Variants in CEACAM5 observed in about 807,000 individuals in gnomAD.
CEACAM5 encodes cell adhesion molecule CEACAM5.
Under a neutral mutation model 63.0 loss-of-function variants are expected in CEACAM5, and 52 were observed. The observed-to-expected ratio is 0.83, with a 90% CI of 0.66 to 1.04. CEACAM5 has a LOEUF of 1.04. Among genes scored for constraint, CEACAM5 ranks in the 50% least tolerant of loss-of-function variants. The pLI, the probability that CEACAM5 is intolerant of heterozygous loss-of-function variation, is 0.00. For synonymous variants in CEACAM5, 357 were observed against 351.3 expected, an observed-to-expected ratio of 1.02 and a Z score of -0.18; for missense variants, 790 against 864.8, an observed-to-expected ratio of 0.91 and a Z score of 1.08.
At chr19:41,718,723 C>T (rs2072568950) in intron 6 of CEACAM5, among the ~76,000 whole-genome samples, 1 of 152,218 alleles carries the variant, frequency 6.6e-6, no homozygotes, top group African/African-American at 2.4e-5. Flanking sequence ...CTTTCTGACA[C>T]CACTTTGTGT....
rs782349447 is a variant in CEACAM5 at position 41,715,356 on chromosome 19, C to T, written c.703+107C>T. On this transcript the variant is annotated intron_variant, in intron 3 of 9. Transcript: ENST00000221992. ...GGTTCAAGTACACAGACCCTCAACC[C>T]TGGACATCCAGACTGTCTGTGACTT... 2.0e-6 allele frequency: 3 copies of T among 1,492,678 alleles called. No homozygotes were observed. In the African/African-American group the frequency reaches 4.1e-5, roughly 21 times the overall value. The allele number at this position is 1,492,678 out of a possible 1,614,324, so 92.5% of individuals were successfully genotyped here.
At chr19:41,710,120 C>A in intron 2 of CEACAM5, 81 bp downstream of exon 2, 2 of 1,541,120 alleles carry the variant, frequency 1.3e-6, no homozygotes, top group Non-Finnish European at 1.8e-6. Flanking sequence ...CTGGGCTGTG[C>A]CTGTGGCCCC....
At chr19:41,710,828 T>C (rs782550306) in intron 2 of CEACAM5, among the ~76,000 whole-genome samples, 1 of 152,232 alleles carries the variant, frequency 6.6e-6, no homozygotes, top group Non-Finnish European at 1.5e-5. Context: ...ATGATGTTCA[T>C]TTGAGCAGCT....
chr19:41,727,765 G>A (rs1218736315), intron 9 of CEACAM5, among the ~76,000 whole-genome samples: 2 of 152,030 alleles, frequency 1.3e-5, no homozygotes, highest in East Asian at 3.8e-4. Context: ...TAGTTCACTC[G>A]CCTACTCAAG....
chr19:41,717,275 C>G (rs1265447617), intron 4 of CEACAM5, among the ~76,000 whole-genome samples, 180 bp from the exon 5 acceptor site: 1 of 152,268 alleles, frequency 6.6e-6, no homozygotes. Context: ...AACAGCCAGC[C>G]TCATGGTCTC....
chr19:41,710,109 C>A, intron 2 of CEACAM5, 70 bp downstream of exon 2: 2 of 1,560,564 alleles, frequency 1.3e-6, no homozygotes, highest in Non-Finnish European at 1.7e-6. Context: ...GATTATCAGG[C>A]CTGGGCTGTG....
chr19:41,727,003 C>A (rs1555817174), intron 8 of CEACAM5, among the ~76,000 whole-genome samples: 1 of 152,126 alleles, frequency 6.6e-6, no homozygotes, highest in Non-Finnish European at 1.5e-5. Context: ...AATTTCAAAG[C>A]CTTCAGAAAT....
At chr19:41,716,111 T>C (rs569633176) in intron 4 of CEACAM5, among the ~76,000 whole-genome samples, 1 of 152,320 alleles carries the variant, frequency 6.6e-6, no homozygotes, top group East Asian at 1.9e-4. Flanking sequence ...CAGGTCCAGC[T>C]TGGAATGTGG....
At position 41,715,681 on chromosome 19, in the gene CEACAM5, A is replaced by G; in HGVS notation, c.735A>G (p.Leu245=). 3 of 1,614,144 alleles carry G rather than the reference A, an allele frequency of 1.9e-6. No homozygotes were observed. Among genetic ancestry groups the G allele is most frequent in the Non-Finnish European group, 2.5e-6 (3 of 1,180,022 alleles). The change falls in exon 4 of 10, where the codon CTA becomes CTG. Residue 245 remains leucine (L), a synonymous_variant. Coordinates refer to ENST00000221992, the MANE Select transcript of CEACAM5 (RefSeq NM_004363.6). ...CGGATGCCCCCACCATTTCCCCTCT[A>G]AACACATCTTACAGATCAGGGGAAA... is the stretch of plus-strand genomic sequence containing the variant. ...YGPDAPTISP[L]NTSYRSGENL...
chr19:41,709,001 T>A (rs1207542490), intron 1 of CEACAM5, among the ~76,000 whole-genome samples: 6 of 152,244 alleles, frequency 3.9e-5, no homozygotes, highest in African/African-American at 1.4e-4. Flanking sequence ...ATTTTCCTAG[T>A]TAATTGTCAC....
At chr19:41,717,406 G>A (rs1205354096) in intron 4 of CEACAM5, 49 bp from the exon 5 acceptor site, 2 of 1,575,818 alleles carry the variant, frequency 1.3e-6, no homozygotes, top group South Asian at 1.2e-5. Flanking sequence ...TGCCCGTGGA[G>A]GAATCACAGG....
intron 6 of CEACAM5, among the ~76,000 whole-genome samples, chr19:41,719,619 C>G (rs902838831): frequency 2.0e-5 from 3 of 152,200 alleles, no homozygotes; most frequent in Non-Finnish European, 4.4e-5. Context: ...TTGGCCAGGC[C>G]GTCAGCCATC....
At chr19:41,708,928 G>A (rs1600450563) in intron 1 of CEACAM5, 133 bp downstream of exon 1, 1 of 618,440 alleles carries the variant, frequency 1.6e-6, no homozygotes, top group East Asian at 2.9e-5. Context: ...AGGGACAGGA[G>A]TCACACCAGA....
chr19:41,717,595 C>G lies in CEACAM5; in HGVS notation c.1099C>G (p.Pro367Ala). The change falls in exon 5 of 10, where the codon CCC (proline) becomes GCC (alanine). Residue 367 changes from proline to alanine, a missense_variant. Transcript: ENST00000221992. Reference sequence around the variant, plus strand: ...AAATAATCAGAGCCTCCCGGTCAGTCCCAGGCTGCAGCTGTCCAATGACAA... The same window carrying G: ...AAATAATCAGAGCCTCCCGGTCAGTGCCAGGCTGCAGCTGTCCAATGACAA... ...WVNNQSLPVS[P>A]RLQLSNDNRT... 6.2e-7 allele frequency: 1 copy of G among 1,614,224 alleles called. No homozygotes were observed. The highest frequency in any genetic ancestry group is 8.5e-7 in the Non-Finnish European group (1 of 1,180,048).
chr19:41,714,845 C>A, intron 2 of CEACAM5, 126 bp from the exon 3 acceptor site: 1 of 1,519,612 alleles, frequency 6.6e-7, no homozygotes, highest in South Asian at 1.3e-5. Context: ...GTGACACATG[C>A]ACCCACCGTG....
At chr19:41,717,905 G>T (rs2072553268) in intron 5 of CEACAM5, among the ~76,000 whole-genome samples, 172 bp downstream of exon 5, 1 of 152,222 alleles carries the variant, frequency 6.6e-6, no homozygotes, top group Non-Finnish European at 1.5e-5. Flanking sequence ...CCAAGAATAG[G>T]AGGGGAGGGT....
chr19:41,715,463 G>T (rs782286751), intron 3 of CEACAM5, 187 bp from the exon 4 acceptor site: 2 of 1,115,154 alleles, frequency 1.8e-6, no homozygotes, highest in South Asian at 1.3e-5. Flanking sequence ...GGAGGCTCAG[G>T]GTCCACACCC....
chr19:41,722,204 G>GA (rs1225503230), intron 8 of CEACAM5, among the ~76,000 whole-genome samples: 1,514 of 144,192 alleles, frequency 0.01, 15 homozygotes, highest in Middle Eastern at 0.036. Flanking sequence ...TCAAGATACA[G>GA]AAAAAAAAAA....
At chr19:41,714,824 G>A (rs1018870456) in intron 2 of CEACAM5, 147 bp from the exon 3 acceptor site, 4 of 1,414,098 alleles carry the variant, frequency 2.8e-6, no homozygotes, top group African/African-American at 2.9e-5. Flanking sequence ...AGATCATCGT[G>A]CATCTGTCTT....
Sources: allele counts gnomAD v4.1 joint callset (sites outside exome capture counted in the v4.1 genomes callset), GRCh38; gene constraint gnomAD v4.1.1; transcripts MANE v1.5; gene names NCBI Gene and HGNC (gene_info 2026-07-23, HGNC 2026-07-21).